IRGC: variants seen among roughly 807,000 people sequenced by gnomAD.
IRGC encodes the protein interferon-inducible GTPase 5.
A neutral mutation model predicts 16.1 loss-of-function variants in IRGC; 4 were observed. The observed-to-expected ratio is 0.25, with a 90% confidence interval of 0.12 to 0.57. The LOEUF is 0.57. IRGC is among the 20% of genes least tolerant of loss of function. The pLI, the probability that IRGC is intolerant of heterozygous loss-of-function variation, is 0.92. For synonymous variants in IRGC, 307 were observed against 299.5 expected (o/e 1.03, Z -0.26); for missense variants, 570 against 643.9 (o/e 0.89, Z 1.24).
intron 1 of IRGC, 122 bp from the exon 2 acceptor site, chr19:43,718,371 T>G: frequency 8.2e-7 from 1 of 1,221,946 alleles, no homozygotes; most frequent in Non-Finnish European, 1.1e-6. Flanking sequence ...GTGTCCCCAA[T>G]TCTTGAAGGA....
intron 1 of IRGC, among the ~76,000 whole-genome samples, chr19:43,717,956 C>A (rs1024484283): frequency 6.6e-6 from 1 of 152,196 alleles, no homozygotes; most frequent in African/African-American, 2.4e-5. Flanking sequence ...GTGGTCCCAG[C>A]TGTTCAGGAG....
intron 1 of IRGC, among the ~76,000 whole-genome samples, chr19:43,716,858 TG>T (rs1968177193): frequency 6.6e-6 from 1 of 152,134 alleles, no homozygotes. Context: ...AGACCTCATT[TG>T]TCTTGTCTGA....
At chr19:43,716,345 AG>A (rs947254839) in intron 1 of IRGC, among the ~76,000 whole-genome samples, 1 of 151,010 alleles carries the variant, frequency 6.6e-6, no homozygotes, top group Non-Finnish European at 1.5e-5. Context: ...TCAGATCTGG[AG>A]GCAACAATGT....
At position 43,719,572 on chromosome 19, in the gene IRGC, C is replaced by T; in HGVS notation, c.1014C>T (p.Val338=). Residue 338 remains valine, a synonymous_variant, in exon 2 of 2, where the codon GTC becomes GTT. Transcript: ENST00000244314. The part of the protein sequence containing the change: ...SVIRSPLANE[V]SPETVLRLYS... ...TCCGCTCCCCACTGGCCAACGAGGT[C>T]TCGCCTGAGACTGTCCTGCGGCTCT... The T allele has an allele frequency of 6.2e-7, 1 of 1,602,290 alleles. No individual in the cohort carries two copies. The highest frequency in any genetic ancestry group is 8.5e-7 in the Non-Finnish European group (1 of 1,179,780).
Position 43,719,344 on chromosome 19 carries a change from G to A in IRGC, c.786G>A (p.Met262Ile), listed in dbSNP as rs766020551. 6.2e-7 allele frequency: 1 copy of A among 1,612,244 alleles called. No individual in the cohort carries two copies. The highest frequency in any genetic ancestry group is 8.5e-7 in the Non-Finnish European group (1 of 1,179,030). Reference sequence around the variant, plus strand: ...AGGCCTTGCAGAAGAAGAAGGCCATGCTTCAAGAGCAAGTCCTCAAGACCG... The same window carrying A: ...AGGCCTTGCAGAAGAAGAAGGCCATACTTCAAGAGCAAGTCCTCAAGACCG... ...SLEALQKKKA[M>I]LQEQVLKTAL... The change falls in exon 2 of 2, where the codon ATG (methionine) becomes ATA (isoleucine). Residue 262 changes from methionine to isoleucine, a missense_variant. Physicochemically the swap from Met to Ile is conservative, Grantham distance 10. Coordinates refer to ENST00000244314, the MANE Select transcript of IRGC (RefSeq NM_019612.4).
Position 43,719,306 on chromosome 19 carries a change from G to T in IRGC, c.748G>T (p.Asp250Tyr). The change falls in exon 2 of 2, where the codon GAC (aspartate) becomes TAC (tyrosine). Residue 250 changes from aspartate to tyrosine, a missense_variant. Physicochemically the swap from Asp to Tyr is radical, Grantham distance 160 (BLOSUM62 -3). Transcript: ENST00000244314. Reference protein sequence around the residue: ...RRHAGLLSLPDISLEALQKKK... With the variant: ...RRHAGLLSLPYISLEALQKKK... ...CCACGCTGGCCTGCTGTCGCTCCCC[G>T]ACATCTCGCTGGAGGCCTTGCAGAA... 3 of 1,610,016 alleles carry T rather than the reference G, an allele frequency of 1.9e-6. No individual in the cohort carries two copies. Among genetic ancestry groups the T allele is most frequent in the Non-Finnish European group, 2.5e-6 (3 of 1,177,702 alleles).
chr19:43,718,866 AGTTCCCTGAC>A lies in IRGC; in HGVS notation c.311_320del (p.Phe104Ter). ...CAACCGTCGCCCTATCCACACCCAC[AGTTCCCTGAC>A]GTGACCCTCTGGGACCTGCCAGGAG... On this transcript the variant is annotated frameshift_variant, in exon 2 of 2. Coordinates refer to ENST00000244314, the MANE Select transcript of IRGC (RefSeq NM_019612.4). LOFTEE classifies it high-confidence loss of function. 3 of 1,613,276 alleles carry A rather than the reference AGTTCCCTGAC, an allele frequency of 1.9e-6. No homozygotes were observed. The highest frequency in any genetic ancestry group is 2.5e-6 in the Non-Finnish European group (3 of 1,179,954).
Position 43,719,685 on chromosome 19 carries a change from T to G in IRGC, c.1127T>G (p.Ile376Ser). The change falls in exon 2 of 2, where the codon ATC becomes AGC. Residue 376 changes from isoleucine (I) to serine (S), a missense_variant. Ile to Ser is a moderately radical substitution (Grantham distance 142, BLOSUM62 -2). Coordinates refer to ENST00000244314, the MANE Select transcript of IRGC (RefSeq NM_019612.4). ...PVFGTLVAGG[I>S]SFGAVYTMLQ... ...TTTGGGACGCTGGTGGCTGGCGGCA[T>G]CAGCTTTGGCGCTGTCTACACCATG... is the stretch of plus-strand genomic sequence containing the variant. 6.2e-7 allele frequency: 1 copy of G among 1,611,430 alleles called. No homozygotes were observed. The highest frequency in any genetic ancestry group is 8.5e-7 in the Non-Finnish European group (1 of 1,179,882).
chr19:43,718,675 C>T lies in IRGC; in HGVS notation c.117C>T (p.Ala39=), dbSNP rs754890496. Reference sequence around the variant, plus strand: ...TTGAGTCGGGTGACCTCCCCCAGGCCGCCTCTCACCTCCAGGAGCTGCTGG... The same window carrying T: ...TTGAGTCGGGTGACCTCCCCCAGGCTGCCTCTCACCTCCAGGAGCTGCTGG... ...TAFESGDLPQ[A]ASHLQELLAS... Residue 39 remains alanine (A), a synonymous_variant, in exon 2 of 2, where the codon GCC becomes GCT. Transcript: ENST00000244314. The T allele has an allele frequency of 2.8e-5, 45 of 1,613,492 alleles. No individual in the cohort carries two copies. Among genetic ancestry groups the T allele is most frequent in the Non-Finnish European group, 3.4e-5 (40 of 1,180,034 alleles).
Position 43,719,154 on chromosome 19 carries a change from C to T in IRGC, c.596C>T (p.Ala199Val). ...AVLQEIRDHCAERLREAGVAD... is the reference protein window; with the variant it reads ...AVLQEIRDHCVERLREAGVAD... ...CTGCAGGAGATCCGAGACCACTGTGCCGAGCGGCTGCGGGAGGCCGGCGTG... is the reference window on the plus strand; with the variant it reads ...CTGCAGGAGATCCGAGACCACTGTGTCGAGCGGCTGCGGGAGGCCGGCGTG... The change falls in exon 2 of 2, where the codon GCC becomes GTC. Residue 199 changes from alanine to valine, a missense_variant. Ala to Val is a moderately conservative substitution (Grantham distance 64). Transcript: ENST00000244314. 6.2e-7 allele frequency: 1 copy of T among 1,610,022 alleles called. No individual in the cohort carries two copies. The highest frequency in any genetic ancestry group is 8.5e-7 in the Non-Finnish European group (1 of 1,179,654).
In IRGC at chr19:43,718,781, C is replaced by A; in HGVS notation, c.223C>A (p.Arg75Ser). The A allele has an allele frequency of 6.2e-7, 1 of 1,612,822 alleles. No individual in the cohort carries two copies. Among genetic ancestry groups the A allele is most frequent in the Non-Finnish European group, 8.5e-7 (1 of 1,179,900 alleles). The change falls in exon 2 of 2, where the codon CGT (arginine) becomes AGT (serine). Residue 75 changes from arginine (R) to serine (S), a missense_variant. By Grantham distance (110) the Arg-to-Ser change is moderately radical (BLOSUM62 -1). Transcript: ENST00000244314. ...AGKSSLINAL[R>S]GLEAEDPGAA... ...CAAGTCCTCCCTCATCAATGCCCTG[C>A]GTGGCCTGGAGGCCGAGGACCCTGG...
chr19:43,719,236 C>A lies in IRGC; in HGVS notation c.678C>A (p.Pro226=). The A allele has an allele frequency of 1.2e-6, 2 of 1,610,100 alleles. No homozygotes were observed. The highest frequency in any genetic ancestry group is 2.2e-5 in the East Asian group (1 of 44,858). ...SNLSPARYDF[P]TLVSTWEHDL... is the part of the protein sequence containing the mutation. ...TCTCGCCGGCCCGCTACGACTTTCC[C>A]ACGCTGGTGTCCACCTGGGAGCACG... The change falls in exon 2 of 2, where the codon CCC becomes CCA. Residue 226 remains proline, a synonymous_variant. Coordinates refer to ENST00000244314, the MANE Select transcript of IRGC (RefSeq NM_019612.4).
chr19:43,720,002 T>C lies in IRGC; in HGVS notation c.*52T>C. 1 of 1,595,340 alleles carries C rather than the reference T, an allele frequency of 6.3e-7. No homozygotes were observed. The highest frequency in any genetic ancestry group is 8.5e-7 in the Non-Finnish European group (1 of 1,170,466). On this transcript the variant is annotated 3_prime_UTR_variant, in exon 2 of 2. Transcript: ENST00000244314. ...ACCCACAAACTAAGTCTTAACAAAA[T>C]CCAAATTACCAACAAAAAAGGCCGA...
intron 1 of IRGC, among the ~76,000 whole-genome samples, chr19:43,717,431 T>C (rs1347998904): frequency 6.6e-6 from 1 of 152,190 alleles, no homozygotes; most frequent in African/African-American, 2.4e-5. Flanking sequence ...CTTTATGTCA[T>C]AACTCATTCA....
At position 43,719,385 on chromosome 19, in the gene IRGC, T is replaced by C. The variant is rs1968232553; in HGVS notation, c.827T>C (p.Val276Ala). ...QVLKTALVLG[V>A]IQALPVPGLA... is the part of the protein sequence containing the mutation. Reference sequence around the variant, plus strand: ...CTCAAGACCGCCCTGGTGTTGGGCGTCATCCAGGCCCTGCCGGTCCCAGGG... The same window carrying C: ...CTCAAGACCGCCCTGGTGTTGGGCGCCATCCAGGCCCTGCCGGTCCCAGGG... The change falls in exon 2 of 2, where the codon GTC becomes GCC. Residue 276 changes from valine (V) to alanine (A), a missense_variant. Coordinates refer to ENST00000244314, the MANE Select transcript of IRGC (RefSeq NM_019612.4). 6.2e-7 allele frequency: 1 copy of C among 1,611,360 alleles called. No individual in the cohort carries two copies. Among genetic ancestry groups the C allele is most frequent in the Non-Finnish European group, 8.5e-7 (1 of 1,178,400 alleles).
Position 43,719,030 on chromosome 19 carries a change from T to G in IRGC, c.472T>G (p.Cys158Gly). ...GACCCGCCTGGCCGCTGAGATCCTGTGCCAGGGCAAGAAGTTCTACTTTGT... is the reference window on the plus strand; with the variant it reads ...GACCCGCCTGGCCGCTGAGATCCTGGGCCAGGGCAAGAAGTTCTACTTTGT... ...VETRLAAEIL[C>G]QGKKFYFVRT... The change falls in exon 2 of 2, where the codon TGC becomes GGC. Residue 158 changes from cysteine to glycine, a missense_variant. Cys to Gly is a radical substitution (Grantham distance 159). Transcript: ENST00000244314. 1 of 1,612,854 alleles carries G rather than the reference T, an allele frequency of 6.2e-7. No individual in the cohort carries two copies. The highest frequency in any genetic ancestry group is 8.5e-7 in the Non-Finnish European group (1 of 1,179,874).
At position 43,719,883 on chromosome 19, in the gene IRGC, G is replaced by A. The variant is rs1968246903; in HGVS notation, c.1325G>A (p.Arg442Lys). The change falls in exon 2 of 2, where the codon AGG (arginine) becomes AAG (lysine). Residue 442 changes from arginine (R) to lysine (K), a missense_variant. By Grantham distance (26) the Arg-to-Lys change is conservative (BLOSUM62 2). Transcript: ENST00000244314. ...GAGGAAGCCCCACTCTCAACCTGCA[G>A]GAAGCTCGGCCTCCTTCTTAAGTAC... is the stretch of plus-strand genomic sequence containing the variant. ...GGEEAPLSTC[R>K]KLGLLLKYIL... 3.1e-6 allele frequency: 5 copies of A among 1,614,000 alleles called. No homozygotes were observed. Among genetic ancestry groups the A allele is most frequent in the Non-Finnish European group, 4.2e-6 (5 of 1,180,042 alleles).
Position 43,719,228 on chromosome 19 carries a change from G to A in IRGC, c.670G>A (p.Asp224Asn), listed in dbSNP as rs764460673. Residue 224 changes from aspartate (D) to asparagine (N), a missense_variant, in exon 2 of 2, where the codon GAC becomes AAC. Coordinates refer to ENST00000244314, the MANE Select transcript of IRGC (RefSeq NM_019612.4). ...GTCCAACCTCTCGCCGGCCCGCTAC[G>A]ACTTTCCCACGCTGGTGTCCACCTG... ...LVSNLSPARY[D>N]FPTLVSTWEH... 6.2e-7 allele frequency: 1 copy of A among 1,609,680 alleles called. No homozygotes were observed. Among genetic ancestry groups the A allele is most frequent in the Non-Finnish European group, 8.5e-7 (1 of 1,179,428 alleles).
Position 43,719,406 on chromosome 19 carries a change from C to A in IRGC, c.848C>A (p.Pro283Gln). 6.2e-7 allele frequency: 1 copy of A among 1,608,084 alleles called. No individual in the cohort carries two copies. Among genetic ancestry groups the A allele is most frequent in the East Asian group, 2.2e-5 (1 of 44,704 alleles). The change falls in exon 2 of 2, where the codon CCA (proline) becomes CAA (glutamine). Residue 283 changes from proline (P) to glutamine (Q), a missense_variant. Transcript: ENST00000244314. ...GGCGTCATCCAGGCCCTGCCGGTCC[C>A]AGGGCTGGCGGCCGCCTACGATGAT... ...VLGVIQALPV[P>Q]GLAAAYDDAL...
Sources: allele counts gnomAD v4.1 joint callset (sites outside exome capture counted in the v4.1 genomes callset), GRCh38; gene constraint gnomAD v4.1.1; transcripts MANE v1.5; gene names NCBI Gene and HGNC (gene_info 2026-07-23, HGNC 2026-07-21).